Variants in FGF14 observed in about 807,000 individuals in gnomAD.
FGF14 encodes the protein fibroblast growth factor 14.
In FGF14, 5 loss-of-function variants were observed where a neutral mutation model predicts 25.5. The ratio of observed to expected loss-of-function variants is 0.20; its 90% CI spans 0.10 to 0.41. FGF14 has a LOEUF of 0.41. Ranked by LOEUF, FGF14 falls within the 10% of genes least tolerant of loss-of-function variation. The probability of loss-of-function intolerance (pLI) is 1.00; values close to 1 mark genes in which losing one functional copy is unlikely to be tolerated. For synonymous variants in FGF14, 138 were observed against 118.3 expected (o/e 1.17, Z -1.08); for missense variants, 222 against 320.1 (o/e 0.69, Z 2.34).
intron 3 of FGF14, among the ~76,000 whole-genome samples, chr13:101,835,744 T>C (rs2042892185): frequency 6.6e-6 from 1 of 151,988 alleles, no homozygotes; most frequent in Admixed American, 6.6e-5. Flanking sequence ...TAGGGCACTG[T>C]GCTTGCGGCT....
intron 1 of FGF14, among the ~76,000 whole-genome samples, chr13:102,108,638 G>GGTGT (rs1018530512): frequency 6.6e-6 from 1 of 152,096 alleles, no homozygotes; most frequent in African/African-American, 2.4e-5. Context: ...TAGATGCAAG[G>GGTGT]GTGTGTATAT....
Position 101,791,703 on chromosome 13 carries a change from A to G in FGF14, c.409-64893T>C, listed in dbSNP as rs548893568. 7.9e-5 allele frequency among the ~76,000 whole-genome samples: 12 copies of G among 152,114 alleles called. No homozygotes were observed. In the East Asian group the frequency reaches 2.3e-3, roughly 29 times the overall value. On this transcript the variant is annotated intron_variant, in intron 3 of 4. Coordinates refer to ENST00000376143, the MANE Select transcript of FGF14 (RefSeq NM_004115.4). Reference sequence around the variant, plus strand: ...CCTTTGACCTTCCTACCCCATTTCCACCCATTATTGTTAATTTTAACTCTT... The same window carrying G: ...CCTTTGACCTTCCTACCCCATTTCCGCCCATTATTGTTAATTTTAACTCTT...
chr13:102,343,688 C>T (rs1017240564), intron 1 of FGF14, among the ~76,000 whole-genome samples: 5 of 152,184 alleles, frequency 3.3e-5, no homozygotes, highest in African/African-American at 1.2e-4. Flanking sequence ...TGGGTCAAAA[C>T]TTCTACTAAA....
chr13:101,899,466 A>G (rs1243420859), intron 1 of FGF14, among the ~76,000 whole-genome samples: 1 of 152,064 alleles, frequency 6.6e-6, no homozygotes, highest in Non-Finnish European at 1.5e-5. Flanking sequence ...AAAAAAATAT[A>G]ATACTGGAAA....
intron 4 of FGF14, among the ~76,000 whole-genome samples, chr13:101,725,561 A>G (rs2035364085): frequency 2.0e-5 from 3 of 152,234 alleles, no homozygotes; most frequent in Admixed American, 2.0e-4. Flanking sequence ...ATACACTCAC[A>G]GATGATGAAG....
At chr13:102,063,924 G>A (rs1423439879) in intron 1 of FGF14, among the ~76,000 whole-genome samples, 1 of 152,046 alleles carries the variant, frequency 6.6e-6, no homozygotes, top group Non-Finnish European at 1.5e-5. Context: ...TGGCAATAAT[G>A]TTTTTAAAGA....
chr13:102,302,201 G>A (rs1038822650), intron 1 of FGF14, among the ~76,000 whole-genome samples: 1 of 152,128 alleles, frequency 6.6e-6, no homozygotes, highest in African/African-American at 2.4e-5. Flanking sequence ...TTTCTGCAGA[G>A]CATTGAATGG....
At chr13:102,098,563 G>T (rs1403235224) in intron 1 of FGF14, among the ~76,000 whole-genome samples, 1 of 152,154 alleles carries the variant, frequency 6.6e-6, no homozygotes, top group Non-Finnish European at 1.5e-5. Flanking sequence ...CATGATAATT[G>T]CCTTGATTAC....
At chr13:102,092,140 T>C (rs1293695194) in intron 1 of FGF14, among the ~76,000 whole-genome samples, 1 of 152,238 alleles carries the variant, frequency 6.6e-6, no homozygotes, top group Admixed American at 6.5e-5. Context: ...GATCTCTTGA[T>C]GATGTACTAG....
At position 102,167,205 on chromosome 13, in the gene FGF14, G is replaced by A. The variant is rs192671112; in HGVS notation, c.208+234266C>T. Among the ~76,000 whole-genome samples the A allele has an allele frequency of 4.7e-3, 707 of 149,968 alleles. 9 individuals are homozygous for A. Among genetic ancestry groups the A allele is most frequent in the African/African-American group, 0.016 (631 of 40,656 alleles). ...ATACAAAAATTTGCTGGACATGGTG[G>A]CATGCCCCTATAATCCCATCTACTC... is the stretch of plus-strand genomic sequence containing the variant. On this transcript the variant is annotated intron_variant, in intron 1 of 4. Transcript: ENST00000376131.
Position 102,288,837 on chromosome 13 carries a change from G to A in FGF14, c.208+112634C>T, listed in dbSNP as rs140166191. ...TAACCTCAAGTGATCCGCCTGCCTT[G>A]GCCTCCCAACATGCTGGGATTACAG... On this transcript the variant is annotated intron_variant, in intron 1 of 4. Coordinates refer to the FGF14 transcript ENST00000376131. 1.2e-3 allele frequency among the ~76,000 whole-genome samples: 190 copies of A among 152,148 alleles called. 1 individual carries two copies. Among genetic ancestry groups the A allele is most frequent in the Non-Finnish European group, 2.4e-3 (160 of 67,992 alleles).
intron 1 of FGF14, among the ~76,000 whole-genome samples, chr13:101,876,996 A>C (rs922349990): frequency 6.6e-6 from 1 of 152,110 alleles, no homozygotes; most frequent in Non-Finnish European, 1.5e-5. Context: ...TCTCTTGTCA[A>C]GAAAAAAAAT....
chr13:101,959,565 T>C (rs1169087571), intron 1 of FGF14, among the ~76,000 whole-genome samples: 1 of 152,208 alleles, frequency 6.6e-6, no homozygotes, highest in African/African-American at 2.4e-5. Context: ...ATGCTGCACG[T>C]GCTGAGCTGT....
At chr13:102,278,241 G>A (rs1408916632) in intron 1 of FGF14, among the ~76,000 whole-genome samples, 2 of 152,194 alleles carry the variant, frequency 1.3e-5, no homozygotes, top group East Asian at 3.9e-4. Flanking sequence ...CTTCACATAT[G>A]ACAAAACAAT....
At chr13:102,396,322 T>C (rs1445320544) in intron 1 of FGF14, among the ~76,000 whole-genome samples, 1 of 152,244 alleles carries the variant, frequency 6.6e-6, no homozygotes, top group Non-Finnish European at 1.5e-5. Context: ...GAAGAGCTCC[T>C]GTTAGACTGT....
chr13:102,295,799 C>T (rs1932792), intron 1 of FGF14, among the ~76,000 whole-genome samples: 108,710 of 151,986 alleles, frequency 0.72, 39,055 homozygotes, highest in East Asian at 0.82. Context: ...ATGACAGAAA[C>T]GATAAAATAA....
chr13:102,259,670 G>T (rs1244372958), intron 1 of FGF14, among the ~76,000 whole-genome samples: 1 of 152,096 alleles, frequency 6.6e-6, no homozygotes, highest in East Asian at 1.9e-4. Flanking sequence ...CCAGAAGCCA[G>T]CATAGCACCT....
In FGF14 at chr13:102,127,335, T is replaced by C. The variant is rs542992614; in HGVS notation, c.209-252039A>G. On this transcript the variant is annotated intron_variant, in intron 1 of 4. Coordinates refer to the FGF14 transcript ENST00000376131. ...TTATCTTAACTTCACAATAAATCTA[T>C]GAGCTAAGTGTTATTATCACTTCCT... is the stretch of plus-strand genomic sequence containing the variant. 9.2e-5 allele frequency among the ~76,000 whole-genome samples: 14 copies of C among 152,292 alleles called. 1 individual carries two copies. The highest frequency in any genetic ancestry group is 3.4e-4 in the African/African-American group (14 of 41,562).
At chr13:101,947,015 T>A (rs2035853700) in intron 1 of FGF14, among the ~76,000 whole-genome samples, 1 of 152,184 alleles carries the variant, frequency 6.6e-6, no homozygotes, top group Non-Finnish European at 1.5e-5. Context: ...AAGATAAATT[T>A]TTCTTTAACA....
Sources: allele counts gnomAD v4.1 joint callset (sites outside exome capture counted in the v4.1 genomes callset), GRCh38; gene constraint gnomAD v4.1.1; transcripts MANE v1.5; gene names NCBI Gene and HGNC (gene_info 2026-07-23, HGNC 2026-07-21).